The following TAPBP variants were observed in gnomAD, a reference collection of about 807,000 sequenced individuals.
TAPBP encodes the protein tapasin.
Under a neutral mutation model 45.7 loss-of-function variants are expected in TAPBP, and 38 were observed. The observed-to-expected ratio is 0.83, with a 90% CI of 0.64 to 1.09. TAPBP has a LOEUF of 1.09. Ranked by LOEUF, TAPBP falls within the 50% of genes least tolerant of loss-of-function variation. The pLI, the probability that TAPBP is intolerant of heterozygous loss-of-function variation, is 0.00. For synonymous variants in TAPBP, 226 were observed against 254.8 expected (o/e 0.89, Z 1.08); for missense variants, 513 against 587.3 (o/e 0.87, Z 1.31).
intron 3 of TAPBP, among the ~76,000 whole-genome samples, chr6:33,306,189 G>A (rs1768960789): frequency 6.6e-6 from 1 of 152,102 alleles, no homozygotes. Context: ...AAGTCTACAC[G>A]TGTTTGCTAT....
Position 33,299,983 on chromosome 6 carries a change from C to G in TAPBP, c.*1777G>C, listed in dbSNP as rs1452052072. Reference sequence around the variant, plus strand: ...ATCACTTAAATACAACTGTGGTGAACCGCACAAGAGGGACGCGCGGCGGTC... The same window carrying G: ...ATCACTTAAATACAACTGTGGTGAAGCGCACAAGAGGGACGCGCGGCGGTC... On this transcript the variant is annotated 3_prime_UTR_variant, in exon 8 of 8. Coordinates refer to ENST00000434618, the MANE Select transcript of TAPBP (RefSeq NM_003190.5). This position sits in a 1 kb window ranked among gnomAD's most constrained non-coding sequence, Gnocchi z 5.0. 1 of 153,810 alleles carries G rather than the reference C, an allele frequency of 6.5e-6. No homozygotes were observed. Among genetic ancestry groups the G allele is most frequent in the Non-Finnish European group, 1.5e-5 (1 of 68,122 alleles). 9.5% of individuals were successfully genotyped at this position (153,810 alleles called of 1,614,324 possible).
Position 33,304,975 on chromosome 6 carries a change from GT to G in TAPBP, c.868+13del. 6.2e-7 allele frequency: 1 copy of G among 1,612,960 alleles called. No individual in the cohort carries two copies. Among genetic ancestry groups the G allele is most frequent in the Non-Finnish European group, 8.5e-7 (1 of 1,179,236 alleles). On this transcript the variant is annotated intron_variant, in intron 4 of 7. Transcript: ENST00000434618. ...CCACCCTCTACCCCTGGAGACCTCTGTCCCCCAACTCACTGTACACAGCAAG... is the reference window on the plus strand; with the variant it reads ...CCACCCTCTACCCCTGGAGACCTCTGCCCCCAACTCACTGTACACAGCAAG...
At chr6:33,306,978 C>CAA (rs553964427) in intron 3 of TAPBP, among the ~76,000 whole-genome samples, 13,475 of 126,200 alleles carry the variant, frequency 0.11, 1,014 homozygotes, top group East Asian at 0.42. Flanking sequence ...AACCCCGTTT[C>CAA]AAAAAAAAAA....
intron 3 of TAPBP, among the ~76,000 whole-genome samples, chr6:33,306,032 A>T (rs1390602116): frequency 5.9e-5 from 9 of 152,142 alleles, no homozygotes; most frequent in Admixed American, 5.9e-4. Flanking sequence ...TTAAAAGTTG[A>T]TGATAATAAT....
chr6:33,310,053 T>C (rs1213348233), intron 3 of TAPBP, among the ~76,000 whole-genome samples: 2 of 151,368 alleles, frequency 1.3e-5, no homozygotes, highest in African/African-American at 4.9e-5. Context: ...AGACAAGGTC[T>C]GGTTATGTTG....
chr6:33,301,875 GAGA>G, intron 7 of TAPBP, 104 bp from the exon 8 acceptor site: 1 of 1,532,582 alleles, frequency 6.5e-7, no homozygotes, highest in Non-Finnish European at 9.0e-7. Context: ...CAGATGATGG[GAGA>G]AGGATGAGGC....
intron 3 of TAPBP, among the ~76,000 whole-genome samples, chr6:33,310,874 T>C (rs1769297669): frequency 6.6e-6 from 1 of 152,118 alleles, no homozygotes; most frequent in Admixed American, 6.5e-5. Flanking sequence ...CAATAAACAT[T>C]TAAAAATATT....
At chr6:33,303,609 G>A in intron 7 of TAPBP, 1 of 892,756 alleles carries the variant, frequency 1.1e-6, no homozygotes, top group Non-Finnish European at 1.6e-6. Context: ...AGAATTATTA[G>A]ATTAAATAAG....
At chr6:33,308,369 G>T (rs1209404308) in intron 3 of TAPBP, among the ~76,000 whole-genome samples, 2 of 151,882 alleles carry the variant, frequency 1.3e-5, no homozygotes, top group African/African-American at 2.4e-5. Context: ...ATAAAAACAG[G>T]CTTTTTAGAA....
At position 33,313,612 on chromosome 6, in the gene TAPBP, G is replaced by T. The variant is rs188361877; in HGVS notation, c.208+82C>A. 1.7e-4 allele frequency: 263 copies of T among 1,553,494 alleles called. No homozygotes were observed. The African/African-American group carries it at 3.5e-3, about 20-fold the overall frequency. ...CTTTACAAAGGGGAAGCTGAGGCCTGAGGTCACTGCCGGATCTAAAGAGGA... is the reference window on the plus strand; with the variant it reads ...CTTTACAAAGGGGAAGCTGAGGCCTTAGGTCACTGCCGGATCTAAAGAGGA... On this transcript the variant is annotated intron_variant, in intron 2 of 7. Transcript: ENST00000434618. The surrounding 1 kb of genome is among the most constrained non-coding windows in gnomAD (Gnocchi z 7.2).
chr6:33,313,580 A>T lies in TAPBP; in HGVS notation c.209-103T>A. On this transcript the variant is annotated intron_variant, in intron 2 of 7. Transcript: ENST00000434618. This position sits in a 1 kb window ranked among gnomAD's most constrained non-coding sequence, Gnocchi z 7.2. ...CAAATGCACAGACTACCCCGTAGTG[A>T]GACTCACTTTACAAAGGGGAAGCTG... is the stretch of plus-strand genomic sequence containing the variant. 1 of 1,525,220 alleles carries T rather than the reference A, an allele frequency of 6.6e-7. No individual in the cohort carries two copies. Among genetic ancestry groups the T allele is most frequent in the Non-Finnish European group, 8.8e-7 (1 of 1,133,712 alleles). 94.5% of individuals were successfully genotyped at this position (1,525,220 alleles called of 1,614,324 possible). A position where few individuals can be genotyped will look rare whatever the true frequency, so the allele number is the denominator to read the frequency against.
chr6:33,302,720 A>T (rs1768676650), intron 7 of TAPBP, among the ~76,000 whole-genome samples: 1 of 151,068 alleles, frequency 6.6e-6, no homozygotes, highest in East Asian at 2.0e-4. Flanking sequence ...ATCTCAGCTC[A>T]CTGCAACCTC....
At chr6:33,309,696 T>C (rs1214128692) in intron 3 of TAPBP, among the ~76,000 whole-genome samples, 3 of 123,296 alleles carry the variant, frequency 2.4e-5, no homozygotes, top group Non-Finnish European at 4.8e-5. Flanking sequence ...GCTGGGACCA[T>C]AGGTACATGC....
chr6:33,313,144 A>G lies in TAPBP; in HGVS notation c.469+73T>C, dbSNP rs545751880. On this transcript the variant is annotated intron_variant, in intron 3 of 7. Coordinates refer to ENST00000434618, the MANE Select transcript of TAPBP (RefSeq NM_003190.5). This position sits in a 1 kb window ranked among gnomAD's most constrained non-coding sequence, Gnocchi z 7.2. ...TTGGCGAAATGTCTTGCTCAAGTCC[A>G]TAAAGCGAGACCACCGGCTGATCTG... The G allele has an allele frequency of 3.5e-4, 531 of 1,515,122 alleles. 1 individual carries two copies. The highest frequency in any genetic ancestry group is 4.6e-4 in the Non-Finnish European group (512 of 1,124,822). The allele number at this position is 1,515,122 out of a possible 1,614,324, so 93.9% of individuals were successfully genotyped here.
chr6:33,311,774 A>G (rs574250392), intron 3 of TAPBP, among the ~76,000 whole-genome samples: 7 of 152,316 alleles, frequency 4.6e-5, no homozygotes, highest in African/African-American at 1.7e-4. Flanking sequence ...TCTACTTTAC[A>G]TTAGGATTAT....
chr6:33,301,655 G>T lies in TAPBP; in HGVS notation c.*105C>A. ...GCATTCCAGCCACTCAGTGGAGAGA[G>T]ATTGGAGGGATTAGGAGCAGATGAT... On this transcript the variant is annotated 3_prime_UTR_variant, in exon 8 of 8. Coordinates refer to ENST00000434618, the MANE Select transcript of TAPBP (RefSeq NM_003190.5). The T allele has an allele frequency of 3.0e-6, 3 of 1,000,266 alleles. No homozygotes were observed. Among genetic ancestry groups the T allele is most frequent in the Non-Finnish European group, 4.7e-6 (3 of 635,816 alleles). 62.0% of individuals were successfully genotyped at this position (1,000,266 alleles called of 1,614,324 possible). A position where few individuals can be genotyped will look rare whatever the true frequency, so the allele number is the denominator to read the frequency against.
chr6:33,304,344 C>A lies in TAPBP; in HGVS notation c.1163G>T (p.Ser388Ile). ...ARYACRIHHP[S>I]LPASGRSAEV... ...AGCGCTGCGCCCCGAGGCAGGCAGGCTGGGATGGTGAATTCGACAGGCATA... is the reference window on the plus strand; with the variant it reads ...AGCGCTGCGCCCCGAGGCAGGCAGGATGGGATGGTGAATTCGACAGGCATA... Residue 388 changes from serine to isoleucine, a missense_variant, in exon 5 of 8, where the codon AGC becomes ATC. Coordinates refer to ENST00000434618, the MANE Select transcript of TAPBP (RefSeq NM_003190.5). The A allele has an allele frequency of 6.2e-7, 1 of 1,610,106 alleles. No homozygotes were observed.
In TAPBP at chr6:33,313,438, G is replaced by A; in HGVS notation, c.248C>T (p.Pro83Leu). Residue 83 changes from proline to leucine, a missense_variant, in exon 3 of 8, where the codon CCC becomes CTC. Pro to Leu is a moderately conservative substitution (Grantham distance 98). Coordinates refer to ENST00000434618, the MANE Select transcript of TAPBP (RefSeq NM_003190.5). The surrounding 1 kb of genome is among the most constrained non-coding windows in gnomAD (Gnocchi z 7.2). ...GALQAAFRRY[P>L]RGAPAPHCEM... ...GCAGTGTGGTGCGGGGGCGCCCCGG[G>A]GATACCGCCTGAAGGCAGCCTGGAG... 1 of 1,596,682 alleles carries A rather than the reference G, an allele frequency of 6.3e-7. No individual in the cohort carries two copies.
rs1434892850 is a variant in TAPBP at position 33,300,909 on chromosome 6, T to G, written c.*851A>C. The G allele has an allele frequency of 1.4e-5, 2 of 144,174 alleles. No homozygotes were observed. The highest frequency in any genetic ancestry group is 4.1e-4 in the East Asian group (2 of 4,938). The allele number at this position is 144,174 out of a possible 1,614,324, so 8.9% of individuals were successfully genotyped here. A position where few individuals can be genotyped will look rare whatever the true frequency, so the allele number is the denominator to read the frequency against. Reference sequence around the variant, plus strand: ...TGAACCCGAGAGGCGGAGCTTGCAGTGAGCCGAGATCGCGCCACTGCACTC... The same window carrying G: ...TGAACCCGAGAGGCGGAGCTTGCAGGGAGCCGAGATCGCGCCACTGCACTC... On this transcript the variant is annotated 3_prime_UTR_variant, in exon 8 of 8. Coordinates refer to ENST00000434618, the MANE Select transcript of TAPBP (RefSeq NM_003190.5).
Sources: allele counts gnomAD v4.1 joint callset (sites outside exome capture counted in the v4.1 genomes callset), GRCh38; gene constraint gnomAD v4.1.1; non-coding constraint Gnocchi (gnomAD v3.1); transcripts MANE v1.5; gene names NCBI Gene and HGNC (gene_info 2026-07-23, HGNC 2026-07-21).